SEC24B: variants seen among roughly 807,000 people sequenced by gnomAD.
SEC24B encodes protein transport protein Sec24B.
A neutral mutation model predicts 142.8 loss-of-function variants in SEC24B; 45 were observed. That is an observed-to-expected ratio of 0.32 (90% CI 0.25 to 0.40). The LOEUF (loss-of-function observed/expected upper bound fraction) is 0.40. SEC24B is among the 10% of genes least tolerant of loss of function. The probability of loss-of-function intolerance (pLI) is 1.00; values close to 1 mark genes in which losing one functional copy is unlikely to be tolerated. For synonymous variants in SEC24B, 574 were observed against 568.2 expected, an observed-to-expected ratio of 1.01 and a Z score of -0.15; for missense variants, 1,409 against 1,526.8, an observed-to-expected ratio of 0.92 and a Z score of 1.29.
chr4:109,504,451 CTGT>C (rs908367704), intron 6 of SEC24B, among the ~76,000 whole-genome samples: 15 of 152,044 alleles, frequency 9.9e-5, no homozygotes, highest in African/African-American at 2.9e-4. Flanking sequence ...ATAACTGAGT[CTGT>C]TGTTCTGTAG....
chr4:109,521,877 G>A (rs970904230), intron 14 of SEC24B, among the ~76,000 whole-genome samples: 19 of 151,548 alleles, frequency 1.3e-4, no homozygotes, highest in African/African-American at 3.9e-4. Flanking sequence ...GATTACAGGC[G>A]TGCACCACCA....
intron 2 of SEC24B, 71 bp downstream of exon 2, chr4:109,463,715 A>T: frequency 1.3e-6 from 2 of 1,542,192 alleles, no homozygotes; most frequent in South Asian, 2.5e-5. Flanking sequence ...TATTATTTAC[A>T]TGAAGGTTAG....
intron 1 of SEC24B, among the ~76,000 whole-genome samples, chr4:109,449,104 A>G (rs1169917707): frequency 2.6e-5 from 4 of 152,222 alleles, no homozygotes; most frequent in African/African-American, 7.2e-5. Flanking sequence ...GAGTCATTTC[A>G]GGGTTTACGT....
At chr4:109,462,872 C>A (rs1047998187) in intron 1 of SEC24B, 29 bp from the exon 2 acceptor site, 4 of 1,482,642 alleles carry the variant, frequency 2.7e-6, no homozygotes, top group Non-Finnish European at 3.6e-6. Context: ...TATCTCTTTA[C>A]AAATACCTGT....
intron 3 of SEC24B, among the ~76,000 whole-genome samples, chr4:109,478,688 C>T (rs1733425909): frequency 6.6e-6 from 1 of 152,176 alleles, no homozygotes; most frequent in South Asian, 2.1e-4. Context: ...GTATTTCCTA[C>T]TGTGTACTGT....
At chr4:109,524,715 T>C in intron 14 of SEC24B, 103 bp from the exon 15 acceptor site, 1 of 1,019,142 alleles carries the variant, frequency 9.8e-7, no homozygotes, top group Non-Finnish European at 1.4e-6. Context: ...TAGAAAACTC[T>C]TAGTTTGGTA....
At chr4:109,516,698 A>C in intron 11 of SEC24B, 58 bp downstream of exon 11, 1 of 1,011,056 alleles carries the variant, frequency 9.9e-7, no homozygotes, top group South Asian at 1.6e-5. Context: ...ATAAATGTGT[A>C]TAAATATGAA....
At chr4:109,508,009 A>C (rs1736902537) in intron 7 of SEC24B, among the ~76,000 whole-genome samples, 1 of 152,194 alleles carries the variant, frequency 6.6e-6, no homozygotes, top group Non-Finnish European at 1.5e-5. Context: ...CCACTCTTCA[A>C]CCAAAATATT....
chr4:109,447,640 G>A (rs1367913196), intron 1 of SEC24B, among the ~76,000 whole-genome samples: 1 of 144,438 alleles, frequency 6.9e-6, no homozygotes, highest in African/African-American at 3.0e-5. Flanking sequence ...GCATGTGGAA[G>A]ACTACTAGTA....
intron 5 of SEC24B, among the ~76,000 whole-genome samples, chr4:109,493,823 C>T (rs538760021): frequency 2.1e-3 from 315 of 152,192 alleles, no homozygotes; most frequent in African/African-American, 7.3e-3. Context: ...TCTCAAACTC[C>T]TGACCTCATG....
intron 19 of SEC24B, among the ~76,000 whole-genome samples, chr4:109,530,676 C>T (rs1446821476): frequency 6.6e-6 from 1 of 151,648 alleles, no homozygotes; most frequent in Non-Finnish European, 1.5e-5. Flanking sequence ...CCGAGGTGTG[C>T]GGATCAGCTG....
chr4:109,455,205 A>G (rs565573585), intron 1 of SEC24B, among the ~76,000 whole-genome samples: 6 of 152,232 alleles, frequency 3.9e-5, no homozygotes, highest in African/African-American at 1.2e-4. Context: ...ATTCCCTTCA[A>G]AAATCCATAT....
intron 2 of SEC24B, among the ~76,000 whole-genome samples, chr4:109,469,214 C>T (rs866554860): frequency 8.5e-5 from 13 of 152,332 alleles, no homozygotes; most frequent in East Asian, 3.9e-4. Flanking sequence ...CAGTGCATTT[C>T]GCGTAGTCCA....
chr4:109,510,109 A>T lies in SEC24B; in HGVS notation c.1774A>T (p.Thr592Ser). ...GTTGTTACATCCCTTCAGAGACCTA[A>T]CGGTAAAGTAACATTTTATAATATT... ...GLLLHPFRDL[T>S]QLPVITSNTI... Residue 592 changes from threonine (T) to serine (S), a missense_variant and splice_region_variant, in exon 8 of 24, where the codon ACG becomes TCG. This residue lies in a region of SEC24B where 700 missense variants were observed against 853.3 expected (regional missense o/e 0.82). Transcript: ENST00000265175. 1 of 1,550,884 alleles carries T rather than the reference A, an allele frequency of 6.4e-7. No individual in the cohort carries two copies. Among genetic ancestry groups the T allele is most frequent in the South Asian group, 1.2e-5 (1 of 85,996 alleles).
At chr4:109,521,663 G>A in intron 14 of SEC24B, 37 bp downstream of exon 14, 1 of 1,392,434 alleles carries the variant, frequency 7.2e-7, no homozygotes, top group African/African-American at 1.4e-5. Context: ...ATTCAAGATT[G>A]TGTAATTATT....
intron 3 of SEC24B, among the ~76,000 whole-genome samples, chr4:109,476,612 C>T (rs1733173889): frequency 6.6e-6 from 1 of 152,184 alleles, no homozygotes; most frequent in Non-Finnish European, 1.5e-5. Flanking sequence ...TTTGCTTTTA[C>T]TCTTTTTAAC....
intron 5 of SEC24B, among the ~76,000 whole-genome samples, chr4:109,493,695 C>T (rs897693612): frequency 6.6e-6 from 1 of 150,754 alleles, no homozygotes; most frequent in African/African-American, 2.5e-5. Flanking sequence ...ATGGCGCAAT[C>T]TCGGCTCACT....
chr4:109,495,603 A>G (rs1343453733), intron 6 of SEC24B, among the ~76,000 whole-genome samples: 1 of 152,150 alleles, frequency 6.6e-6, no homozygotes, highest in East Asian at 1.9e-4. Context: ...GGGCTCGCAG[A>G]TCGGTTCGAT....
chr4:109,497,954 G>A (rs932463826), intron 6 of SEC24B, among the ~76,000 whole-genome samples: 4 of 152,152 alleles, frequency 2.6e-5, no homozygotes, highest in African/African-American at 9.7e-5. Flanking sequence ...TCAACACTTG[G>A]AATTTTGACT....
Sources: allele counts gnomAD v4.1 joint callset (sites outside exome capture counted in the v4.1 genomes callset), GRCh38; gene constraint gnomAD v4.1.1; regional missense constraint gnomAD v4.1.1; transcripts MANE v1.5; gene names NCBI Gene and HGNC (gene_info 2026-07-23, HGNC 2026-07-21).